Variants in MYO16 observed in about 807,000 individuals in gnomAD.
MYO16 encodes myosin XVI.
Under a neutral mutation model 205.3 loss-of-function variants are expected in MYO16, and 94 were observed. The observed-to-expected ratio is 0.46, with a 90% CI of 0.39 to 0.54. The LOEUF (loss-of-function observed/expected upper bound fraction) is 0.54. Ranked by LOEUF, MYO16 falls within the 20% of genes least tolerant of loss-of-function variation. The pLI is 0.00. For missense variants in MYO16, 2,315 were observed against 2,387.5 expected (o/e 0.97, Z 0.63); for synonymous variants, 988 against 954.0 (o/e 1.04, Z -0.66).
chr13:108,857,398 C>G (rs1331108384), intron 11 of MYO16, among the ~76,000 whole-genome samples: 1 of 152,180 alleles, frequency 6.6e-6, no homozygotes, highest in Non-Finnish European at 1.5e-5. Flanking sequence ...CACTAGTGTT[C>G]TAACGTACCT....
At chr13:108,870,727 A>G (rs1304184351) in intron 12 of MYO16, among the ~76,000 whole-genome samples, 2 of 151,936 alleles carry the variant, frequency 1.3e-5, no homozygotes, top group African/African-American at 4.8e-5. Flanking sequence ...TTTATTCCAT[A>G]TGTTGGTAAT....
intron 1 of MYO16, among the ~76,000 whole-genome samples, chr13:108,613,820 T>G (rs566914142): frequency 5.3e-5 from 8 of 152,042 alleles, no homozygotes; most frequent in African/African-American, 1.9e-4. Context: ...AAAAATCACT[T>G]GACAAAATAT....
chr13:108,809,149 C>G (rs1887207881), intron 7 of MYO16, among the ~76,000 whole-genome samples: 1 of 152,216 alleles, frequency 6.6e-6, no homozygotes, highest in Non-Finnish European at 1.5e-5. Flanking sequence ...ATTACTCCCT[C>G]TCCAGTGTGC....
intron 34 of MYO16, among the ~76,000 whole-genome samples, chr13:109,193,197 A>C (rs1201641756): frequency 6.6e-6 from 1 of 152,218 alleles, no homozygotes; most frequent in Non-Finnish European, 1.5e-5. Flanking sequence ...ACTCCTAAAA[A>C]TTCTTTAAAA....
At chr13:108,559,265 A>G in the MYO16 span, among the ~76,000 whole-genome samples, 1 of 151,968 alleles carries the variant, frequency 6.6e-6, no homozygotes, top group Non-Finnish European at 1.5e-5. Flanking sequence ...AGAGGCAGAG[A>G]CTAGAGTGAC....
chr13:109,114,792 T>C lies in MYO16; in HGVS notation c.3439-5578T>C, dbSNP rs552622752. ...GTGACCTGAGCTTTCTCCTTTACTT[T>C]ACCTGCATGGGAAACAATTACTGAT... On this transcript the variant is annotated intron_variant, in intron 28 of 34. Coordinates refer to ENST00000457511, the MANE Select transcript of MYO16 (RefSeq NM_001198950.3). Among the ~76,000 whole-genome samples, 10 of 152,350 alleles carry C rather than the reference T, an allele frequency of 6.6e-5. No individual in the cohort carries two copies. The South Asian group carries it at 1.9e-3, about 28-fold the overall frequency.
At chr13:108,987,220 C>G (rs149492221) in intron 20 of MYO16, among the ~76,000 whole-genome samples, 1 of 152,184 alleles carries the variant, frequency 6.6e-6, no homozygotes, top group Non-Finnish European at 1.5e-5. Flanking sequence ...GAAGGCCGGA[C>G]GGCCTCTCTG....
rs1879892400 is a variant in MYO16 at position 108,629,798 on chromosome 13, A to AAG, written c.-43_-42dup. 6.6e-7 allele frequency: 1 copy of AAG among 1,513,098 alleles called. No individual in the cohort carries two copies. Among genetic ancestry groups the AAG allele is most frequent in the Non-Finnish European group, 8.9e-7 (1 of 1,128,068 alleles). The allele number at this position is 1,513,098 out of a possible 1,614,324, so 93.7% of individuals were successfully genotyped here. A position where few individuals can be genotyped will look rare whatever the true frequency, so the allele number is the denominator to read the frequency against. On this transcript the variant is annotated 5_prime_UTR_variant, in exon 1 of 35. It removes the in-frame stop codon of an upstream open reading frame in the 5' UTR. Transcript: ENST00000457511. Reference sequence around the variant, plus strand: ...TTCCTGGGAACGACAGTTGTGACAGAAGAGAATGCTGGAACCCGTAGCAAG... The same window carrying AAG: ...TTCCTGGGAACGACAGTTGTGACAGAAGAGAGAATGCTGGAACCCGTAGCAAG...
chr13:109,019,723 T>G lies in MYO16; in HGVS notation c.2608T>G (p.Phe870Val). 5.0e-6 allele frequency: 8 copies of G among 1,613,908 alleles called. No individual in the cohort carries two copies. The highest frequency in any genetic ancestry group is 5.1e-6 in the Non-Finnish European group (6 of 1,179,866). Residue 870 changes from phenylalanine to valine, a missense_variant, in exon 23 of 35, where the codon TTT (phenylalanine) becomes GTT (valine). Transcript: ENST00000457511. Reference sequence around the variant, plus strand: ...TCTTAACTCTCAGAAGCCATCTGGATTTCTCACCTTATTGGATGAAGAAAG... The same window carrying G: ...TCTTAACTCTCAGAAGCCATCTGGAGTTCTCACCTTATTGGATGAAGAAAG... ...LDFFFQKPSG[F>V]LTLLDEESQM...
At chr13:108,546,740 C>G in the MYO16 span, among the ~76,000 whole-genome samples, 1 of 152,156 alleles carries the variant, frequency 6.6e-6, no homozygotes. Context: ...ACACAGAACC[C>G]CAAAGTGGGG....
chr13:109,093,038 T>C (rs886285344), intron 27 of MYO16, among the ~76,000 whole-genome samples: 4 of 152,252 alleles, frequency 2.6e-5, no homozygotes, highest in African/African-American at 7.2e-5. Context: ...TTTAGTGTTA[T>C]AGTCACAATA....
At chr13:109,066,733 C>T (rs1295432466) in intron 27 of MYO16, among the ~76,000 whole-genome samples, 1 of 152,110 alleles carries the variant, frequency 6.6e-6, no homozygotes, top group Non-Finnish European at 1.5e-5. Context: ...CAGAAAGCAG[C>T]GGTTGACAGT....
intron 27 of MYO16, among the ~76,000 whole-genome samples, chr13:109,070,600 G>A (rs1372995549): frequency 6.6e-6 from 1 of 152,106 alleles, no homozygotes; most frequent in Non-Finnish European, 1.5e-5. Flanking sequence ...ATGATCCCAG[G>A]TTTTGACATT....
chr13:108,890,104 A>ACT (rs397851390), intron 14 of MYO16, among the ~76,000 whole-genome samples: 1 of 94,888 alleles, frequency 1.1e-5, no homozygotes, highest in East Asian at 3.3e-4. Context: ...TAATTTTTGT[A>ACT]TTTTTTTTTT....
At chr13:108,700,402 C>T (rs544738362) in intron 2 of MYO16, among the ~76,000 whole-genome samples, 13 of 151,508 alleles carry the variant, frequency 8.6e-5, no homozygotes, top group Admixed American at 5.9e-4. Context: ...GGTTGAACTT[C>T]GGCAAGAGCA....
intron 23 of MYO16, among the ~76,000 whole-genome samples, chr13:109,041,386 T>A (rs1007964241): frequency 1.3e-5 from 2 of 152,184 alleles, no homozygotes; most frequent in African/African-American, 4.8e-5. Context: ...ATTCTAAAAT[T>A]TACATTGAAA....
chr13:108,754,238 TGTAGCATGCAGGACAAGCA>T (rs1885347479), intron 4 of MYO16, among the ~76,000 whole-genome samples: 4 of 151,694 alleles, frequency 2.6e-5, no homozygotes, highest in African/African-American at 7.3e-5. Flanking sequence ...CAGGACAAGC[TGTAGCATGCAGGACAAGCA>T]GTAGCATGAA....
At chr13:108,767,887 C>A (rs774283546) in intron 4 of MYO16, among the ~76,000 whole-genome samples, 6 of 152,156 alleles carry the variant, frequency 3.9e-5, no homozygotes, top group Non-Finnish European at 8.8e-5. Context: ...ATATGGTATT[C>A]TTTCCCTTAC....
chr13:108,925,672 C>T lies in MYO16; in HGVS notation c.1925+15522C>T, dbSNP rs72654021. On this transcript the variant is annotated intron_variant, in intron 16 of 34. Coordinates refer to ENST00000457511, the MANE Select transcript of MYO16 (RefSeq NM_001198950.3). ...CCTTCCTCTCACACCAGCCCATCGG[C>T]AAGTCCTTCTGGCTCTGCCTCCTGA... Among the ~76,000 whole-genome samples the T allele has an allele frequency of 9.4e-3, 1,429 of 152,286 alleles. 12 individuals carry two copies. Among genetic ancestry groups the T allele is most frequent in the Non-Finnish European group, 0.016 (1,107 of 68,030 alleles).
Sources: allele counts gnomAD v4.1 joint callset (sites outside exome capture counted in the v4.1 genomes callset), GRCh38; gene constraint gnomAD v4.1.1; transcripts MANE v1.5; gene names NCBI Gene and HGNC (gene_info 2026-07-23, HGNC 2026-07-21).